The following CORO2B variants were observed in gnomAD, a reference collection of about 807,000 sequenced individuals.
The protein encoded by CORO2B is coronin-2B.
In CORO2B, 26 loss-of-function variants were observed where a neutral mutation model predicts 58.8. The observed-to-expected ratio is 0.44, with a 90% CI of 0.32 to 0.61. The LOEUF (loss-of-function observed/expected upper bound fraction) is 0.61, where lower values mean the gene tolerates loss of function less well. Ranked by LOEUF, CORO2B falls within the 20% of genes least tolerant of loss-of-function variation. The pLI is 0.04. For missense variants in CORO2B, 460 were observed against 645.1 expected (o/e 0.71, Z 3.11); for synonymous variants, 242 against 253.8 (o/e 0.95, Z 0.44).
chr15:68,551,124 C>T, the CORO2B span, among the ~76,000 whole-genome samples: 1 of 152,090 alleles, frequency 6.6e-6, no homozygotes, highest in South Asian at 2.1e-4. Flanking sequence ...AATGGAGGTC[C>T]TCGCTCAGCC....
In CORO2B at chr15:68,669,213, G is replaced by A. The variant is rs144991157; in HGVS notation, c.216+23853G>A. Among the ~76,000 whole-genome samples the A allele has an allele frequency of 6.6e-3, 972 of 146,904 alleles. 6 individuals carry two copies. Among genetic ancestry groups the A allele is most frequent in the Admixed American group, 0.019 (279 of 14,682 alleles). ...AAGCAAGCAAGCAAGCAAGCAAGCC[G>A]GAGACAGGACTCGGCCTTGAGAAGC... On this transcript the variant is annotated intron_variant, in intron 2 of 11. Transcript: ENST00000261861.
chr15:68,714,010 G>A lies in CORO2B; in HGVS notation c.734G>A (p.Trp245Ter). Reference sequence around the variant, plus strand: ...CTCCTCACGACAGGGGTCTCCAGGTGGAACACAAGACAGATTGCCCTCTGG... The same window carrying A: ...CTCCTCACGACAGGGGTCTCCAGGTAGAACACAAGACAGATTGCCCTCTGG... Reference protein sequence around the residue: ...KRLLTTGVSRWNTRQIALWDQ... With the variant: ...KRLLTTGVSR The change falls in exon 6 of 12, where the codon TGG (tryptophan) becomes TAG (stop). Residue 245 changes from tryptophan (W) to a stop codon, truncating the protein, a stop_gained. Coordinates refer to ENST00000261861, the MANE Select transcript of CORO2B (RefSeq NM_006091.5). LOFTEE classifies it high-confidence loss of function. The A allele has an allele frequency of 6.2e-7, 1 of 1,613,986 alleles. No individual in the cohort carries two copies. The highest frequency in any genetic ancestry group is 8.5e-7 in the Non-Finnish European group (1 of 1,179,898).
At chr15:68,567,657 ATAAT>A in the CORO2B span, among the ~76,000 whole-genome samples, 1 of 152,208 alleles carries the variant, frequency 6.6e-6, no homozygotes, top group African/African-American at 2.4e-5. Flanking sequence ...TCAACTCAAA[ATAAT>A]TAATACACCA....
intron 1 of CORO2B, among the ~76,000 whole-genome samples, chr15:68,635,750 G>A (rs1901014708): frequency 1.3e-5 from 2 of 152,202 alleles, no homozygotes; most frequent in Admixed American, 1.3e-4. Flanking sequence ...TGAATATTGT[G>A]GGATCTGGTC....
intron 2 of CORO2B, among the ~76,000 whole-genome samples, chr15:68,648,001 C>A (rs1014437797): frequency 1.7e-4 from 23 of 131,534 alleles, no homozygotes; most frequent in African/African-American, 6.2e-4. Flanking sequence ...GCACTCCACC[C>A]TGGGCAACGG....
chr15:68,615,841 T>A (rs1006403171), intron 1 of CORO2B, among the ~76,000 whole-genome samples: 3 of 152,152 alleles, frequency 2.0e-5, no homozygotes, highest in Non-Finnish European at 4.4e-5. Context: ...CATAAGCCAC[T>A]CAGTTTATGG....
chr15:68,724,384 T>C (rs1893241822), intron 11 of CORO2B, among the ~76,000 whole-genome samples: 1 of 152,220 alleles, frequency 6.6e-6, no homozygotes, highest in South Asian at 2.1e-4. Context: ...AGAAAAATAA[T>C]TTAAAGTTCA....
intron 3 of CORO2B, among the ~76,000 whole-genome samples, chr15:68,700,174 C>T (rs545849141): frequency 1.7e-4 from 26 of 152,154 alleles, no homozygotes; most frequent in Non-Finnish European, 3.2e-4. Context: ...CAACTTGCTG[C>T]TCACCAGACA....
intron 2 of CORO2B, among the ~76,000 whole-genome samples, chr15:68,681,080 G>A (rs1165921856): frequency 6.6e-6 from 1 of 152,130 alleles, no homozygotes; most frequent in African/African-American, 2.4e-5. Context: ...GGGCATGATG[G>A]CAGGTGCCTG....
chr15:68,622,236 C>T (rs982703133), intron 1 of CORO2B, among the ~76,000 whole-genome samples: 9 of 152,144 alleles, frequency 5.9e-5, no homozygotes, highest in Admixed American at 5.9e-4. Flanking sequence ...GGGTGAGTGA[C>T]TGCATGTGAA....
the CORO2B span, among the ~76,000 whole-genome samples, chr15:68,537,897 A>C: frequency 1.3e-5 from 2 of 152,196 alleles, no homozygotes; most frequent in African/African-American, 2.4e-5. Flanking sequence ...AAAGTTTGCC[A>C]ACTCCTGCTA....
intron 2 of CORO2B, among the ~76,000 whole-genome samples, chr15:68,684,540 T>A (rs946736156): frequency 6.6e-6 from 1 of 152,194 alleles, no homozygotes; most frequent in African/African-American, 2.4e-5. Flanking sequence ...ATGTGTATGT[T>A]GCGGACAGTC....
rs1252429616 is a variant in CORO2B at position 68,587,047 on chromosome 15, TATACACACACACACAC to T, written c.15+7772_15+7787del. Among the ~76,000 whole-genome samples, 1,281 of 141,754 alleles carry T rather than the reference TATACACACACACACAC, an allele frequency of 9.0e-3. 17 individuals are homozygous for T. Among genetic ancestry groups the T allele is most frequent in the African/African-American group, 0.017 (629 of 37,336 alleles). The allele number at this position is 141,754 out of a possible 152,430, so 93.0% of individuals were successfully genotyped here. A position where few individuals can be genotyped will look rare whatever the true frequency, so the allele number is the denominator to read the frequency against. On this transcript the variant is annotated intron_variant, in intron 1 of 11. Coordinates refer to ENST00000261861, the MANE Select transcript of CORO2B (RefSeq NM_006091.5). ...TAAAGTCAAACTATAGGGAGATATG[TATACACACACACACAC>T]ACACACACACACACACACACACACA...
upstream of CORO2B, among the ~76,000 whole-genome samples, chr15:68,575,152 C>T (rs1449130438): frequency 6.6e-6 from 1 of 152,090 alleles, no homozygotes; most frequent in East Asian, 1.9e-4. Flanking sequence ...GCTCTGCCCT[C>T]CCAAAAGCAT....
chr15:68,559,735 G>C, the CORO2B span: 1 of 698,868 alleles, frequency 1.4e-6, no homozygotes, highest in Non-Finnish European at 1.8e-6. The surrounding 1 kb of genome is among the most constrained non-coding windows in gnomAD (Gnocchi z 4.3). Flanking sequence ...GTGAGGCTGC[G>C]GCGCCCGAGA....
intron 2 of CORO2B, among the ~76,000 whole-genome samples, chr15:68,679,385 G>A (rs1030812144): frequency 3.3e-5 from 5 of 152,140 alleles, no homozygotes; most frequent in Non-Finnish European, 7.4e-5. Flanking sequence ...GTACAAAGAT[G>A]GGTTAGACAC....
intron 2 of CORO2B, among the ~76,000 whole-genome samples, chr15:68,650,951 G>A (rs894022823): frequency 6.6e-6 from 1 of 152,106 alleles, no homozygotes; most frequent in African/African-American, 2.4e-5. Context: ...CATCTGCCTT[G>A]AACATCAGCC....
At chr15:68,695,347 C>T in intron 3 of CORO2B, 91 bp downstream of exon 3, 2 of 904,978 alleles carry the variant, frequency 2.2e-6, no homozygotes, top group Non-Finnish European at 3.6e-6. Flanking sequence ...CCTCCTCCAC[C>T]CTTTGCCCTT....
rs116146278 is a variant in CORO2B at position 68,649,239 on chromosome 15, C to A, written c.216+3879C>A. Reference sequence around the variant, plus strand: ...CATATCAGGTGTATTTGATATATATCTTTTTTCAACTTTATTTGTTCACGT... The same window carrying A: ...CATATCAGGTGTATTTGATATATATATTTTTTCAACTTTATTTGTTCACGT... On this transcript the variant is annotated intron_variant, in intron 2 of 11. Coordinates refer to ENST00000261861, the MANE Select transcript of CORO2B (RefSeq NM_006091.5). Among the ~76,000 whole-genome samples, 1,131 of 152,066 alleles carry A rather than the reference C, an allele frequency of 7.4e-3. 12 individuals are homozygous for A. Among genetic ancestry groups the A allele is most frequent in the African/African-American group, 0.025 (1,049 of 41,464 alleles).
Sources: gnomAD v4.1 joint callset for allele counts (sites outside exome capture counted in the v4.1 genomes callset) on GRCh38, gnomAD v4.1.1 for gene constraint, Gnocchi (gnomAD v3.1) non-coding constraint, MANE v1.5 for transcripts, NCBI Gene and HGNC (gene_info 2026-07-23, HGNC 2026-07-21) for gene names.